CCDC73: variants seen among roughly 807,000 people sequenced by gnomAD.
The protein encoded by CCDC73 is coiled-coil domain-containing protein 73.
Under a neutral mutation model 116.5 loss-of-function variants are expected in CCDC73, and 95 were observed. The observed-to-expected ratio is 0.82, with a 90% CI of 0.69 to 0.97. The LOEUF is 0.97. Ranked by LOEUF, CCDC73 falls within the 50% of genes least tolerant of loss-of-function variation. CCDC73 has a pLI of 0.00. For synonymous variants in CCDC73, 398 were observed against 401.3 expected (o/e 0.99, Z 0.10); for missense variants, 1,066 against 1,206.8 (o/e 0.88, Z 1.73).
intron 2 of CCDC73, among the ~76,000 whole-genome samples, chr11:32,728,995 C>G (rs113868663): frequency 0.017 from 2,570 of 151,952 alleles, 75 homozygotes; most frequent in African/African-American, 0.057. Context: ...ATGAGCCACC[C>G]TGCCCAGCCC....
At chr11:32,603,708 T>C (rs1370270320) in intron 17 of CCDC73, 1 of 152,218 alleles carries the variant, frequency 6.6e-6, no homozygotes, top group African/African-American at 2.4e-5. Context: ...CTACCAAAAA[T>C]TAATTCGAGT....
chr11:32,641,960 TA>T lies in CCDC73; in HGVS notation c.1050+11del. ...TAAAATATTTTAATATTTTTCTATT[TA>T]ATAAACTTACATGTCTTTTCCAAGT... is the stretch of plus-strand genomic sequence containing the variant. On this transcript the variant is annotated intron_variant, in intron 13 of 17. Transcript: ENST00000335185. 1.4e-6 allele frequency: 2 copies of T among 1,438,226 alleles called. No homozygotes were observed. The highest frequency in any genetic ancestry group is 1.8e-6 in the Non-Finnish European group (2 of 1,088,740). The allele number at this position is 1,438,226 out of a possible 1,614,324, so 89.1% of individuals were successfully genotyped here.
intron 8 of CCDC73, 52 bp downstream of exon 8, chr11:32,675,834 C>G (rs1210687730): frequency 7.7e-6 from 11 of 1,427,604 alleles, no homozygotes; most frequent in Non-Finnish European, 1.1e-5. Flanking sequence ...GTAAATAAGT[C>G]CATTCAAACA....
chr11:32,667,538 C>G (rs1282059425), intron 9 of CCDC73, among the ~76,000 whole-genome samples: 5 of 151,520 alleles, frequency 3.3e-5, no homozygotes, highest in African/African-American at 9.7e-5. Flanking sequence ...TGGGAGTGAC[C>G]CGATTTTCCA....
chr11:32,787,865 T>C (rs1253573906), intron 1 of CCDC73, among the ~76,000 whole-genome samples: 1 of 152,152 alleles, frequency 6.6e-6, no homozygotes, highest in Non-Finnish European at 1.5e-5. Context: ...ATTGAGAACA[T>C]CCTTAACTCC....
chr11:32,781,924 G>A (rs576234662), intron 1 of CCDC73, among the ~76,000 whole-genome samples: 38 of 152,110 alleles, frequency 2.5e-4, no homozygotes, highest in Non-Finnish European at 5.3e-4. Context: ...GGAGGTGAGC[G>A]ATGGCACGAG....
intron 2 of CCDC73, among the ~76,000 whole-genome samples, chr11:32,745,750 T>G (rs866340087): frequency 0.025 from 3,757 of 147,420 alleles, 87 homozygotes; most frequent in South Asian, 0.052. Context: ...TTTTGGTTTT[T>G]TTTTTTTTTT....
intron 7 of CCDC73, among the ~76,000 whole-genome samples, chr11:32,677,693 C>A (rs1042961466): frequency 2.0e-5 from 3 of 152,062 alleles, no homozygotes; most frequent in African/African-American, 7.2e-5. Flanking sequence ...GTGGCTCACA[C>A]CTGTAATTCC....
intron 3 of CCDC73, among the ~76,000 whole-genome samples, chr11:32,706,012 GAAAAAAA>G (rs3078271): frequency 3.7e-5 from 5 of 135,454 alleles, no homozygotes; most frequent in Non-Finnish European, 7.8e-5. Flanking sequence ...TATATCAGCT[GAAAAAAA>G]AAAAAAAGAA....
chr11:32,654,757 C>A (rs530377633), intron 10 of CCDC73, 87 bp downstream of exon 10: 1 of 989,562 alleles, frequency 1.0e-6, no homozygotes, highest in Non-Finnish European at 1.4e-6. Flanking sequence ...TTTGCAAAGG[C>A]GGAGTATTTT....
chr11:32,652,999 A>G, intron 12 of CCDC73, 124 bp downstream of exon 12: 2 of 554,242 alleles, frequency 3.6e-6, no homozygotes, highest in Non-Finnish European at 6.3e-6. Context: ...TCAATATCTT[A>G]CCCCTAGAAT....
intron 14 of CCDC73, among the ~76,000 whole-genome samples, chr11:32,621,131 C>A (rs538440094): frequency 6.6e-6 from 1 of 152,258 alleles, no homozygotes; most frequent in East Asian, 1.9e-4. Context: ...CTATTCCCAT[C>A]AAACTACCAC....
intron 9 of CCDC73, among the ~76,000 whole-genome samples, chr11:32,655,185 T>A (rs1855861156): frequency 6.6e-6 from 1 of 152,246 alleles, no homozygotes; most frequent in Non-Finnish European, 1.5e-5. Flanking sequence ...ATTGACTGCA[T>A]GACTTTTAAT....
At position 32,614,529 on chromosome 11, in the gene CCDC73, CA is replaced by C; in HGVS notation, c.1788del (p.Glu597LysfsTer19). ...NTYHNNNKDV[S>X]ENEPFKQFRL... ...CTGAATTGTTTGAATGGCTCATTTT[CA>C]GAAACATCTTTATTATTATTGTGAT... On this transcript the variant is annotated frameshift_variant, in exon 16 of 18. Transcript: ENST00000335185. LOFTEE classifies it high-confidence loss of function. 6.2e-7 allele frequency: 1 copy of C among 1,613,160 alleles called. No homozygotes were observed.
At chr11:32,678,325 A>G (rs865856980) in intron 7 of CCDC73, among the ~76,000 whole-genome samples, 26 of 152,174 alleles carry the variant, frequency 1.7e-4, no homozygotes, top group African/African-American at 5.5e-4. Context: ...AGTAGAGCAC[A>G]GTGGTCAAAA....
intron 2 of CCDC73, among the ~76,000 whole-genome samples, chr11:32,730,852 C>A (rs1311615419): frequency 6.6e-6 from 1 of 152,220 alleles, no homozygotes; most frequent in African/African-American, 2.4e-5. Flanking sequence ...ATGAGCGATG[C>A]AGAAGATGGG....
chr11:32,732,415 G>C (rs141930484), intron 2 of CCDC73, among the ~76,000 whole-genome samples: 2,181 of 152,080 alleles, frequency 0.014, 47 homozygotes, highest in African/African-American at 0.048. Context: ...GAAATACAGA[G>C]AACACCACAA....
chr11:32,817,381 C>T, the CCDC73 span, among the ~76,000 whole-genome samples: 1 of 152,158 alleles, frequency 6.6e-6, no homozygotes, highest in Non-Finnish European at 1.5e-5. Flanking sequence ...TGCCAAATGG[C>T]CCTCCAGAAA....
At chr11:32,716,989 CTATTCTTTCCCTCCA>C (rs1271347883) in intron 3 of CCDC73, among the ~76,000 whole-genome samples, 8 of 152,136 alleles carry the variant, frequency 5.3e-5, no homozygotes, top group South Asian at 2.1e-4. Flanking sequence ...TAGTATTTAC[CTATTCTTTCCCTCCA>C]TATTCTTTCC....
Sources: gnomAD v4.1 joint callset for allele counts (sites outside exome capture counted in the v4.1 genomes callset) on GRCh38, gnomAD v4.1.1 for gene constraint, MANE v1.5 for transcripts, NCBI Gene and HGNC (gene_info 2026-07-23, HGNC 2026-07-21) for gene names.